The following RGS6 variants were observed in gnomAD, a reference collection of about 807,000 sequenced individuals.
RGS6 encodes regulator of G protein signaling 6.
RGS6 carries 30 observed loss-of-function variants against 78.5 expected under a neutral mutation model. The ratio of observed to expected loss-of-function variants is 0.38; its 90% CI spans 0.29 to 0.52. The LOEUF is 0.52. Ranked by LOEUF, RGS6 falls within the 20% of genes least tolerant of loss-of-function variation. The pLI, the probability that RGS6 is intolerant of heterozygous loss-of-function variation, is 0.85. For synonymous variants in RGS6, 206 were observed against 206.0 expected (o/e 1.00, Z 0.00); for missense variants, 495 against 609.7 (o/e 0.81, Z 1.98).
intron 2 of RGS6, among the ~76,000 whole-genome samples, chr14:72,274,940 A>G (rs118072570): frequency 0.02 from 2,988 of 152,316 alleles, 35 homozygotes; most frequent in South Asian, 0.038. Flanking sequence ...TTATTCCTTT[A>G]CTCATGATCA....
At chr14:72,597,380 T>C in the RGS6 span, among the ~76,000 whole-genome samples, 1 of 152,256 alleles carries the variant, frequency 6.6e-6, no homozygotes. Flanking sequence ...CTCACTGTAA[T>C]TCAGCCTAGT....
chr14:71,989,533 A>G (rs11622507), intron 2 of RGS6, among the ~76,000 whole-genome samples: 20,575 of 152,292 alleles, frequency 0.14, 1,712 homozygotes, highest in East Asian at 0.21. Flanking sequence ...TAAGGCAGAC[A>G]TATCTATTTC....
chr14:72,184,148 C>A (rs2097208166), intron 2 of RGS6, among the ~76,000 whole-genome samples: 1 of 152,076 alleles, frequency 6.6e-6, no homozygotes, highest in Non-Finnish European at 1.5e-5. Context: ...GGCTTTTTCC[C>A]AGATGTTATT....
chr14:72,105,481 G>A (rs1204864737), intron 2 of RGS6, among the ~76,000 whole-genome samples: 2 of 152,142 alleles, frequency 1.3e-5, no homozygotes, highest in Non-Finnish European at 2.9e-5. Context: ...TCTTGAGGGT[G>A]CCCTCTGCTA....
At chr14:72,338,055 A>AT (rs1341863508) in intron 2 of RGS6, among the ~76,000 whole-genome samples, 1 of 152,126 alleles carries the variant, frequency 6.6e-6, no homozygotes, top group Non-Finnish European at 1.5e-5. Context: ...TGCATAGCTT[A>AT]TTTTTTCTCC....
chr14:72,588,975 T>A, the RGS6 span, among the ~76,000 whole-genome samples: 1 of 152,154 alleles, frequency 6.6e-6, no homozygotes, highest in Non-Finnish European at 1.5e-5. Context: ...CAAACACTTC[T>A]ACCTGCTGCA....
intron 2 of RGS6, among the ~76,000 whole-genome samples, chr14:72,021,660 C>T (rs557413705): frequency 1.7e-4 from 26 of 151,552 alleles, no homozygotes; most frequent in African/African-American, 4.8e-4. Context: ...TTTATAGAGA[C>T]GGGGTTTCAC....
intron 2 of RGS6, among the ~76,000 whole-genome samples, chr14:72,301,453 T>G (rs910184973): frequency 2.0e-5 from 3 of 152,186 alleles, no homozygotes; most frequent in African/African-American, 7.2e-5. Flanking sequence ...GAGTCATGTC[T>G]TAGTTTCTCA....
chr14:72,298,759 A>G (rs2065422674), intron 2 of RGS6, among the ~76,000 whole-genome samples: 1 of 152,110 alleles, frequency 6.6e-6, no homozygotes, highest in African/African-American at 2.4e-5. Context: ...TAATGTTTTT[A>G]TAACTTGCTT....
intron 2 of RGS6, among the ~76,000 whole-genome samples, chr14:72,319,655 C>A (rs1009495308): frequency 1.3e-5 from 2 of 152,092 alleles, no homozygotes; most frequent in African/African-American, 4.8e-5. Context: ...GGGGGAAAAT[C>A]ATCACAGATA....
chr14:72,058,455 C>T (rs1555457843), intron 2 of RGS6, among the ~76,000 whole-genome samples: 1 of 151,242 alleles, frequency 6.6e-6, no homozygotes, highest in Non-Finnish European at 1.5e-5. Context: ...CTTTTATATC[C>T]ATTAATTAAT....
intron 2 of RGS6, among the ~76,000 whole-genome samples, chr14:72,349,485 A>C (rs895781749): frequency 2.0e-5 from 3 of 152,186 alleles, no homozygotes; most frequent in African/African-American, 7.2e-5. Context: ...AGGCCAAGGC[A>C]AGTATTCAGG....
chr14:72,446,052 A>T (rs1032026165), intron 3 of RGS6, among the ~76,000 whole-genome samples: 1 of 152,216 alleles, frequency 6.6e-6, no homozygotes, highest in Admixed American at 6.5e-5. Flanking sequence ...TCAGCCCAGA[A>T]GTTAGAGACC....
chr14:72,529,163 G>C (rs1480568820), intron 15 of RGS6, among the ~76,000 whole-genome samples: 1 of 152,228 alleles, frequency 6.6e-6, no homozygotes. Flanking sequence ...TGCAGGGCAG[G>C]AAAGAGTCAC....
intron 6 of RGS6, among the ~76,000 whole-genome samples, chr14:72,464,098 A>G (rs1247146930): frequency 6.6e-6 from 1 of 152,216 alleles, no homozygotes; most frequent in Non-Finnish European, 1.5e-5. Flanking sequence ...GTATCTTTAA[A>G]GTGCATCAAG....
rs1011547628 is a variant in RGS6 at position 72,354,629 on chromosome 14, C to CA, written c.184+2445dup. On this transcript the variant is annotated intron_variant, in intron 3 of 17. Transcript: ENST00000553525. The stretch of plus-strand genomic sequence containing the variant: ...TGGGCAACAGAGTGAGACTCCATCT[C>CA]AAAAAAAAAAGTAAGCTAAATAGCT... Among the ~76,000 whole-genome samples the CA allele has an allele frequency of 1.3e-3, 186 of 147,282 alleles. 1 individual carries two copies. Among genetic ancestry groups the CA allele is most frequent in the African/African-American group, 3.4e-3 (138 of 40,278 alleles).
chr14:72,465,683 C>G (rs1216527296), intron 6 of RGS6, 75 bp from the exon 7 acceptor site: 4 of 1,025,472 alleles, frequency 3.9e-6, no homozygotes, highest in Non-Finnish European at 6.1e-6. Flanking sequence ...AATGGATGGA[C>G]AGATGGATGG....
chr14:72,614,524 C>T, the RGS6 span, among the ~76,000 whole-genome samples: 186 of 152,162 alleles, frequency 1.2e-3, no homozygotes, highest in Admixed American at 2.0e-3. Flanking sequence ...GGGGCCTGAC[C>T]CCTCTGGTAG....
At chr14:71,991,673 C>G (rs1023499480) in intron 2 of RGS6, among the ~76,000 whole-genome samples, 2 of 152,182 alleles carry the variant, frequency 1.3e-5, no homozygotes, top group Non-Finnish European at 2.9e-5. Context: ...TTCCATGCTT[C>G]TTTTCTAGGT....
Sources: allele counts gnomAD v4.1 joint callset (sites outside exome capture counted in the v4.1 genomes callset), GRCh38; gene constraint gnomAD v4.1.1; transcripts MANE v1.5; gene names NCBI Gene and HGNC (gene_info 2026-07-23, HGNC 2026-07-21).